The following ARFGEF2 variants were observed in gnomAD, a reference collection of about 807,000 sequenced individuals.
The protein encoded by ARFGEF2 is brefeldin A-inhibited guanine nucleotide-exchange protein 2.
ARFGEF2 carries 74 observed loss-of-function variants against 219.9 expected under a neutral mutation model. That is an observed-to-expected ratio of 0.34 (90% confidence interval 0.28 to 0.41). The LOEUF (loss-of-function observed/expected upper bound fraction) is 0.41, where lower values mean the gene tolerates loss of function less well. Ranked by LOEUF, ARFGEF2 falls within the 10% of genes least tolerant of loss-of-function variation. ARFGEF2 has a pLI of 1.00. For missense variants in ARFGEF2, 1,743 were observed against 2,218.3 expected, an observed-to-expected ratio of 0.79 and a Z score of 4.30; for synonymous variants, 733 against 799.2, an observed-to-expected ratio of 0.92 and a Z score of 1.40.
At chr20:48,952,919 A>G in intron 5 of ARFGEF2, 35 bp downstream of exon 5, 1 of 1,607,552 alleles carries the variant, frequency 6.2e-7, no homozygotes, top group South Asian at 1.1e-5. Context: ...GGGGCAAGAC[A>G]TCATTGCTCT....
intron 6 of ARFGEF2, among the ~76,000 whole-genome samples, chr20:48,959,455 C>G (rs1403291474): frequency 2.0e-5 from 1 of 49,378 alleles, no homozygotes; most frequent in Non-Finnish European, 4.1e-5. Flanking sequence ...CTCCTTCCCT[C>G]CCTCCCTCCC....
chr20:48,962,426 A>G (rs2123390018), intron 6 of ARFGEF2, among the ~76,000 whole-genome samples: 1 of 152,292 alleles, frequency 6.6e-6, no homozygotes. Context: ...CCACTATTGT[A>G]TATGTGGTTC....
intron 6 of ARFGEF2, among the ~76,000 whole-genome samples, chr20:48,960,730 G>T (rs1373604438): frequency 6.6e-6 from 1 of 150,972 alleles, no homozygotes; most frequent in Non-Finnish European, 1.5e-5. Flanking sequence ...TGATCCACCC[G>T]CCTTGGCCTC....
intron 21 of ARFGEF2, among the ~76,000 whole-genome samples, chr20:48,992,118 A>G (rs1713768264): frequency 6.6e-6 from 1 of 152,222 alleles, no homozygotes; most frequent in Admixed American, 6.5e-5. Context: ...TCAGAAAAGA[A>G]GATAAAAGAT....
At chr20:49,022,677 C>T (rs2091573213) in intron 34 of ARFGEF2, among the ~76,000 whole-genome samples, 1 of 152,182 alleles carries the variant, frequency 6.6e-6, no homozygotes, top group South Asian at 2.1e-4. Flanking sequence ...TGCAGTCCTA[C>T]CCTGACACTT....
At chr20:48,953,865 T>C (rs2091089476) in intron 6 of ARFGEF2, 75 bp downstream of exon 6, 5 of 1,381,996 alleles carry the variant, frequency 3.6e-6, no homozygotes, top group Non-Finnish European at 5.1e-6. Flanking sequence ...AAGAAGTGTA[T>C]GTCATAACAT....
chr20:49,028,015 T>G (rs1460303427), intron 36 of ARFGEF2, among the ~76,000 whole-genome samples: 1 of 152,080 alleles, frequency 6.6e-6, no homozygotes, highest in African/African-American at 2.4e-5. Flanking sequence ...CCCAGAACTT[T>G]GGGAGGCCGA....
rs1377043114 is a variant in ARFGEF2, at chr20:49,033,791, C to T, written c.*592C>T. 1.3e-5 allele frequency: 2 copies of T among 152,340 alleles called. No homozygotes were observed. Among genetic ancestry groups the T allele is most frequent in the Non-Finnish European group, 2.9e-5 (2 of 68,038 alleles). The allele number at this position is 152,340 out of a possible 1,614,324, so 9.4% of individuals were successfully genotyped here. On this transcript the variant is annotated 3_prime_UTR_variant, in exon 39 of 39. Transcript: ENST00000371917. ...TCTGAGTGATTTTTAAAGTATTTTA[C>T]AAAAAGATATTGAAAATTTGGTTGA...
rs1020077443 is a variant in ARFGEF2 at position 48,921,806 on chromosome 20, C to T, written c.-84C>T. ...GCGGACGGACGCGGCCGGTGCCGGC[C>T]GGGACGCCGGGCCCGCAGCCTAGCT... On this transcript the variant is annotated 5_prime_UTR_variant, in exon 1 of 39. Transcript: ENST00000371917. 5.7e-6 allele frequency: 7 copies of T among 1,234,762 alleles called. No individual in the cohort carries two copies. Among genetic ancestry groups the T allele is most frequent in the Middle Eastern group, 2.9e-4 (1 of 3,494 alleles). The allele number at this position is 1,234,762 out of a possible 1,614,324, so 76.5% of individuals were successfully genotyped here.
At chr20:48,968,987 G>A (rs1312045198) in intron 8 of ARFGEF2, among the ~76,000 whole-genome samples, 160 bp from the exon 9 acceptor site, 3 of 151,970 alleles carry the variant, frequency 2.0e-5, no homozygotes, top group East Asian at 1.9e-4. Context: ...TTGAGATACG[G>A]TCTCACTATG....
chr20:48,990,969 A>G, intron 20 of ARFGEF2, 71 bp from the exon 21 acceptor site: 1 of 1,538,968 alleles, frequency 6.5e-7, no homozygotes, highest in Non-Finnish European at 8.9e-7. Context: ...CCAGTGTGCC[A>G]GCCCTGCAGA....
At chr20:49,016,211 G>A (rs2091528785) in intron 30 of ARFGEF2, 69 bp from the exon 31 acceptor site, 2 of 1,567,200 alleles carry the variant, frequency 1.3e-6, no homozygotes, top group African/African-American at 1.3e-5. Context: ...GTTTTGCCAG[G>A]AGTGTACAAG....
At chr20:49,030,576 GTTACC>G (rs2091628461) in intron 37 of ARFGEF2, among the ~76,000 whole-genome samples, 1 of 151,304 alleles carries the variant, frequency 6.6e-6, no homozygotes, top group Non-Finnish European at 1.5e-5. Flanking sequence ...ACATATATCA[GTTACC>G]TTACAATGAG....
chr20:48,985,471 G>A lies in ARFGEF2; in HGVS notation c.2134G>A (p.Val712Met), dbSNP rs965578352. 5 of 1,614,110 alleles carry A rather than the reference G, an allele frequency of 3.1e-6. No individual in the cohort carries two copies. The highest frequency in any genetic ancestry group is 2.5e-6 in the Non-Finnish European group (3 of 1,180,048). Residue 712 changes from valine to methionine, a missense_variant, in exon 16 of 39, where the codon GTG (valine) becomes ATG (methionine). Physicochemically the swap from Val to Met is conservative, Grantham distance 21. Around this residue, in one of 5 missense-constraint regions of ARFGEF2, gnomAD observed 666 missense variants for 955.4 expected, o/e 0.70. Transcript: ENST00000371917. ...RFNKEVMYAY[V>M]DQLDFCEKEF... ...CAACAAGGAGGTGATGTATGCCTAC[G>A]TGGACCAACTTGACTTCTGTGAAAA...
intron 34 of ARFGEF2, among the ~76,000 whole-genome samples, chr20:49,019,500 A>T (rs2123545016): frequency 6.6e-6 from 1 of 152,328 alleles, no homozygotes; most frequent in Admixed American, 6.5e-5. Flanking sequence ...ACAGACATTT[A>T]TATTACTTAT....
intron 7 of ARFGEF2, 43 bp from the exon 8 acceptor site, chr20:48,965,829 G>C: frequency 6.2e-7 from 1 of 1,612,326 alleles, no homozygotes; most frequent in Non-Finnish European, 8.5e-7. Flanking sequence ...TTTAGGGTAA[G>C]TACAGTACTA....
intron 30 of ARFGEF2, 47 bp downstream of exon 30, chr20:49,014,007 C>G: frequency 6.2e-7 from 1 of 1,611,692 alleles, no homozygotes; most frequent in Non-Finnish European, 8.5e-7. Flanking sequence ...GAGAGGAAAG[C>G]CTTTCTGGCC....
intron 6 of ARFGEF2, among the ~76,000 whole-genome samples, chr20:48,954,794 G>A (rs994214639): frequency 6.6e-6 from 1 of 152,110 alleles, no homozygotes; most frequent in African/African-American, 2.4e-5. Flanking sequence ...GCACGGAGTT[G>A]CCTTCTACTT....
rs573960091 is a variant in ARFGEF2 at position 48,934,442 on chromosome 20, C to T, written c.122-6757C>T. 3.3e-5 allele frequency among the ~76,000 whole-genome samples: 5 copies of T among 152,302 alleles called. No individual in the cohort carries two copies. In the East Asian group the frequency reaches 7.7e-4, roughly 23 times the overall value. ...TGGTGGTTTGCTGCACCCATCAACC[C>T]GTAATCTGGGTTTTCAGCCCAGCAT... On this transcript the variant is annotated intron_variant, in intron 1 of 38. Transcript: ENST00000371917.
Sources: allele counts gnomAD v4.1 joint callset (sites outside exome capture counted in the v4.1 genomes callset), GRCh38; gene constraint gnomAD v4.1.1; regional missense constraint gnomAD v4.1.1; transcripts MANE v1.5; gene names NCBI Gene and HGNC (gene_info 2026-07-23, HGNC 2026-07-21).